The following WDR49 variants were observed in gnomAD, a reference collection of about 807,000 sequenced individuals.
The protein encoded by WDR49 is cilia- and flagella-associated protein 337.
A neutral mutation model predicts 119.5 loss-of-function variants in WDR49; 107 were observed. That is an observed-to-expected ratio of 0.90 (90% CI 0.77 to 1.05). The LOEUF is 1.05. Among genes scored for constraint, WDR49 ranks in the 50% least tolerant of loss-of-function variants. WDR49 has a pLI of 0.00. For synonymous variants in WDR49, 425 were observed against 418.8 expected (o/e 1.01, Z -0.18); for missense variants, 1,240 against 1,220.5 (o/e 1.02, Z -0.24).
chr3:167,602,855 C>T (rs1715849522), intron 6 of WDR49, among the ~76,000 whole-genome samples: 1 of 152,086 alleles, frequency 6.6e-6, no homozygotes, highest in Non-Finnish European at 1.5e-5. Flanking sequence ...TGTTTAGATA[C>T]ATAAATACCA....
chr3:167,644,980 AAATAT>A (rs1397944250), intron 2 of WDR49, among the ~76,000 whole-genome samples: 4 of 151,964 alleles, frequency 2.6e-5, no homozygotes, highest in African/African-American at 9.7e-5. Context: ...TGAATACATA[AAATAT>A]AATATATGTA....
chr3:167,654,423 C>T (rs1343299949), upstream of WDR49, among the ~76,000 whole-genome samples: 1 of 152,042 alleles, frequency 6.6e-6, no homozygotes, highest in East Asian at 1.9e-4. Flanking sequence ...GATAAAATTG[C>T]TTGCAGTGTC....
chr3:167,654,748 A>T (rs915004320), upstream of WDR49, among the ~76,000 whole-genome samples: 1 of 152,002 alleles, frequency 6.6e-6, no homozygotes, highest in African/African-American at 2.4e-5. Context: ...ATACAAAAAT[A>T]ATCAGCCGAG....
chr3:167,537,226 T>C (rs1454409761), intron 10 of WDR49, among the ~76,000 whole-genome samples: 2 of 152,154 alleles, frequency 1.3e-5, no homozygotes, highest in South Asian at 2.1e-4. Flanking sequence ...AGGTTAATTA[T>C]CCTTTCATAA....
At chr3:167,625,832 A>T (rs1315755848) in intron 3 of WDR49, among the ~76,000 whole-genome samples, 3 of 151,940 alleles carry the variant, frequency 2.0e-5, no homozygotes, top group African/African-American at 7.2e-5. Context: ...CACCATGTAG[A>T]CACAATCTGT....
chr3:167,647,596 T>G (rs2108346123), intron 2 of WDR49, among the ~76,000 whole-genome samples: 1 of 152,314 alleles, frequency 6.6e-6, no homozygotes, highest in Non-Finnish European at 1.5e-5. Context: ...TGGATTTGTC[T>G]TCATGCTATC....
intron 7 of WDR49, among the ~76,000 whole-genome samples, chr3:167,590,480 C>G (rs1295860666): frequency 6.6e-6 from 1 of 151,846 alleles, no homozygotes; most frequent in Non-Finnish European, 1.5e-5. Flanking sequence ...GGATTGGTAC[C>G]AGTTCTTCTT....
Position 167,620,543 on chromosome 3 carries a change from A to C in WDR49, c.844T>G (p.Cys282Gly), listed in dbSNP as rs1356264885. Residue 282 changes from cysteine (C) to glycine (G), a missense_variant, in exon 5 of 19, where the codon TGT becomes GGT. Cys to Gly is a radical substitution (Grantham distance 159). Transcript: ENST00000682715. ...ISLFERPASA[C>G]EDGEATMTIN... The stretch of plus-strand genomic sequence containing the variant: ...GTCATAGTGGCTTCTCCATCTTCAC[A>C]TGCACTAGCAGGCCGTTCAAACAGG... 1.3e-6 allele frequency: 2 copies of C among 1,535,720 alleles called. No homozygotes were observed. Among genetic ancestry groups the C allele is most frequent in the Non-Finnish European group, 1.7e-6 (2 of 1,146,622 alleles).
intron 16 of WDR49, among the ~76,000 whole-genome samples, chr3:167,511,436 A>G (rs1199534700): frequency 1.3e-5 from 2 of 152,224 alleles, no homozygotes; most frequent in Admixed American, 1.3e-4. Flanking sequence ...TAATCTTATA[A>G]TCAACATGAG....
chr3:167,569,167 C>T (rs751283837), intron 8 of WDR49, among the ~76,000 whole-genome samples: 1 of 152,150 alleles, frequency 6.6e-6, no homozygotes, highest in Non-Finnish European at 1.5e-5. Flanking sequence ...TGGTCTTGAA[C>T]TCCTGACCTC....
chr3:167,554,864 T>C (rs2108265854), intron 9 of WDR49, 66 bp from the exon 10 acceptor site: 1 of 1,176,190 alleles, frequency 8.5e-7, no homozygotes, highest in Non-Finnish European at 1.2e-6. Context: ...TGAACCAGGA[T>C]TAATTCATTT....
chr3:167,635,974 T>A (rs1717600250), intron 2 of WDR49, among the ~76,000 whole-genome samples: 1 of 151,654 alleles, frequency 6.6e-6, no homozygotes, highest in African/African-American at 2.4e-5. Context: ...AATTTTTTTT[T>A]ATTTCCATAG....
intron 2 of WDR49, chr3:167,633,319 G>C: frequency 2.6e-6 from 1 of 378,588 alleles, no homozygotes; most frequent in South Asian, 2.0e-5. Context: ...GTCTTAAAAA[G>C]AAACAACTAT....
rs186717542 is a variant in WDR49, at chr3:167,579,671, A to T, written c.1276-3520T>A. On this transcript the variant is annotated intron_variant, in intron 7 of 18. Coordinates refer to ENST00000682715, the MANE Select transcript of WDR49 (RefSeq NM_001366157.1). ...TTTTAATCATCACTAAAAAAATTTT[A>T]AAAAAATTGTTTAAAACATTCTGGC... is the stretch of plus-strand genomic sequence containing the variant. Among the ~76,000 whole-genome samples the T allele has an allele frequency of 9.3e-3, 1,410 of 152,246 alleles. 16 individuals carry two copies. The highest frequency in any genetic ancestry group is 0.01 in the Middle Eastern group (3 of 294).
At chr3:167,630,601 G>A (rs1461610234) in intron 2 of WDR49, among the ~76,000 whole-genome samples, 5 of 152,022 alleles carry the variant, frequency 3.3e-5, no homozygotes, top group Non-Finnish European at 7.4e-5. Flanking sequence ...TTAATCAAAG[G>A]GCAATAATTT....
At chr3:167,572,918 T>C in intron 8 of WDR49, among the ~76,000 whole-genome samples, 1 of 152,150 alleles carries the variant, frequency 6.6e-6, no homozygotes, top group Admixed American at 6.5e-5. Context: ...TCAAGGGACA[T>C]TCCTGAGGAG....
intron 3 of WDR49, 36 bp from the exon 4 acceptor site, chr3:167,621,679 T>C: frequency 6.7e-7 from 1 of 1,497,310 alleles, no homozygotes; most frequent in South Asian, 1.3e-5. Context: ...AAAGTAATTC[T>C]GATGGATTTA....
At chr3:167,625,404 A>G (rs1400723971) in intron 3 of WDR49, among the ~76,000 whole-genome samples, 2 of 152,084 alleles carry the variant, frequency 1.3e-5, no homozygotes, top group Non-Finnish European at 2.9e-5. Flanking sequence ...GATAATAATA[A>G]TAATAGTACT....
chr3:167,579,797 A>G (rs950946140), intron 7 of WDR49, among the ~76,000 whole-genome samples: 7 of 152,158 alleles, frequency 4.6e-5, no homozygotes, highest in Non-Finnish European at 1.5e-5. Context: ...ATAAAATTAG[A>G]CACATCTAGA....
Sources: allele counts gnomAD v4.1 joint callset (sites outside exome capture counted in the v4.1 genomes callset), GRCh38; gene constraint gnomAD v4.1.1; transcripts MANE v1.5; gene names NCBI Gene and HGNC (gene_info 2026-07-23, HGNC 2026-07-21).